The following LINGO2 variants were observed in gnomAD, a reference collection of about 807,000 sequenced individuals.
LINGO2 encodes the protein leucine-rich repeat and immunoglobulin-like domain-containing nogo receptor-interacting protein 2.
A neutral mutation model predicts 30.6 loss-of-function variants in LINGO2; 14 were observed. The ratio of observed to expected loss-of-function variants is 0.46; its 90% CI spans 0.30 to 0.72. LINGO2 has a LOEUF of 0.72. LINGO2 is among the 30% of genes least tolerant of loss of function. The pLI, the probability that LINGO2 is intolerant of heterozygous loss-of-function variation, is 0.07. For synonymous variants in LINGO2, 317 were observed against 288.5 expected (o/e 1.10, Z -1.00); for missense variants, 729 against 751.7 (o/e 0.97, Z 0.35).
At chr9:28,056,284 G>T (rs984283303) in intron 4 of LINGO2, among the ~76,000 whole-genome samples, 1 of 152,064 alleles carries the variant, frequency 6.6e-6, no homozygotes, top group African/African-American at 2.4e-5. Flanking sequence ...ATTCCTTCTG[G>T]GTGGCAGACT....
the LINGO2 span, among the ~76,000 whole-genome samples, chr9:28,952,681 C>A: frequency 3.3e-5 from 5 of 152,094 alleles, no homozygotes; most frequent in Non-Finnish European, 7.4e-5. Context: ...CAGGTAGCAC[C>A]AACTGTCAGA....
rs111792489 is a variant in LINGO2 at position 28,053,311 on chromosome 9, T to C, written c.-86-40906A>G. 7.7e-3 allele frequency among the ~76,000 whole-genome samples: 1,169 copies of C among 152,180 alleles called. 16 individuals are homozygous for C. The highest frequency in any genetic ancestry group is 0.026 in the African/African-American group (1,071 of 41,518). ...GCTAACTGGGAAACTGCCAGCAGTT[T>C]AGTATGACCGGGTCTTAGGCTGCAA... On this transcript the variant is annotated intron_variant, in intron 4 of 5. Coordinates refer to ENST00000379992, the Ensembl canonical transcript of LINGO2.
intron 5 of LINGO2, among the ~76,000 whole-genome samples, chr9:28,002,742 G>A (rs531831115): frequency 2.2e-4 from 34 of 152,102 alleles, no homozygotes; most frequent in African/African-American, 8.0e-4. Context: ...AAAAAAAATC[G>A]ATTCCTAGCT....
the LINGO2 span, among the ~76,000 whole-genome samples, chr9:28,693,049 T>C: frequency 1.3e-5 from 2 of 152,082 alleles, no homozygotes; most frequent in Admixed American, 6.6e-5. Context: ...TAAATGAGCA[T>C]ACAGTTATCA....
intron 5 of LINGO2, among the ~76,000 whole-genome samples, chr9:27,982,050 G>A (rs922466476): frequency 2.0e-5 from 3 of 151,770 alleles, no homozygotes; most frequent in African/African-American, 7.3e-5. Context: ...TGTGAAAACT[G>A]ACTTTTCCTT....
chr9:28,184,118 C>T (rs370361473), intron 4 of LINGO2, among the ~76,000 whole-genome samples: 1 of 152,126 alleles, frequency 6.6e-6, no homozygotes, highest in Non-Finnish European at 1.5e-5. Flanking sequence ...AGGAAATGCT[C>T]TCTAGAACCT....
chr9:29,124,604 A>G, the LINGO2 span, among the ~76,000 whole-genome samples: 2 of 152,222 alleles, frequency 1.3e-5, no homozygotes, highest in East Asian at 1.9e-4. Context: ...AGGATGAAGG[A>G]TATGAACAGA....
chr9:28,737,343 G>A, the LINGO2 span, among the ~76,000 whole-genome samples: 1 of 152,086 alleles, frequency 6.6e-6, no homozygotes, highest in Non-Finnish European at 1.5e-5. Context: ...AACATAACAA[G>A]GAGCAAAAAC....
chr9:28,392,988 A>G (rs568683184), intron 2 of LINGO2, among the ~76,000 whole-genome samples: 1 of 152,322 alleles, frequency 6.6e-6, no homozygotes, highest in East Asian at 1.9e-4. Context: ...TGTCCCTAGG[A>G]ACTTCTTAAT....
the LINGO2 span, among the ~76,000 whole-genome samples, chr9:28,894,725 T>A: frequency 6.6e-6 from 1 of 152,024 alleles, no homozygotes; most frequent in African/African-American, 2.4e-5. Context: ...TTAAAATTTA[T>A]TTTAAACTGA....
chr9:28,185,336 TTC>T (rs1213098316), intron 4 of LINGO2, among the ~76,000 whole-genome samples: 4 of 152,108 alleles, frequency 2.6e-5, no homozygotes, highest in African/African-American at 7.2e-5. Context: ...TTGTAATAAA[TTC>T]TCTCTTATAA....
At chr9:28,040,275 G>A (rs1292054364) in intron 4 of LINGO2, among the ~76,000 whole-genome samples, 3 of 152,016 alleles carry the variant, frequency 2.0e-5, no homozygotes, top group Non-Finnish European at 4.4e-5. Flanking sequence ...AGTTTATCTT[G>A]AACAATGAGG....
the LINGO2 span, among the ~76,000 whole-genome samples, chr9:29,185,271 C>T: frequency 6.6e-6 from 1 of 152,194 alleles, no homozygotes; most frequent in South Asian, 2.1e-4. Flanking sequence ...TGGTACCCCT[C>T]AGAATAGTAC....
intron 2 of LINGO2, among the ~76,000 whole-genome samples, chr9:28,459,270 TA>T (rs5897302): frequency 0.7 from 103,813 of 147,882 alleles, 36,297 homozygotes; most frequent in East Asian, 0.83. Context: ...GGAGAAAACT[TA>T]AAAAAAAAAA....
chr9:28,970,613 C>T, the LINGO2 span, among the ~76,000 whole-genome samples: 1 of 152,038 alleles, frequency 6.6e-6, no homozygotes, highest in Non-Finnish European at 1.5e-5. Flanking sequence ...GAACTCTGGG[C>T]CGTGTTGTTA....
intron 5 of LINGO2, among the ~76,000 whole-genome samples, chr9:27,987,179 C>T (rs761868871): frequency 7.2e-5 from 11 of 151,860 alleles, no homozygotes; most frequent in Non-Finnish European, 1.6e-4. Flanking sequence ...AATAAAATTT[C>T]TCCCATAGCA....
At chr9:28,774,546 G>A in the LINGO2 span, among the ~76,000 whole-genome samples, 1 of 151,992 alleles carries the variant, frequency 6.6e-6, no homozygotes, top group African/African-American at 2.4e-5. Context: ...TATATGTGAT[G>A]TCACTGATGT....
chr9:29,129,908 C>T, the LINGO2 span, among the ~76,000 whole-genome samples: 1 of 151,938 alleles, frequency 6.6e-6, no homozygotes, highest in Non-Finnish European at 1.5e-5. Context: ...TAGAACAAGT[C>T]AGAAAGTCCA....
At chr9:28,632,680 A>ATGGATCT (rs1384234309) in intron 1 of LINGO2, among the ~76,000 whole-genome samples, 2 of 127,986 alleles carry the variant, frequency 1.6e-5, no homozygotes, top group African/African-American at 6.2e-5. Context: ...ATATCTATAT[A>ATGGATCT]AAAATATATT....
Sources: allele counts gnomAD v4.1 joint callset (sites outside exome capture counted in the v4.1 genomes callset), GRCh38; gene constraint gnomAD v4.1.1; transcripts MANE v1.5; gene names NCBI Gene and HGNC (gene_info 2026-07-23, HGNC 2026-07-21).